MAPT: variants seen among roughly 807,000 people sequenced by gnomAD.
The protein encoded by MAPT is microtubule-associated protein tau.
A neutral mutation model predicts 67.9 loss-of-function variants in MAPT; 34 were observed. That is an observed-to-expected ratio of 0.50 (90% CI 0.38 to 0.67). The LOEUF is 0.67. Among genes scored for constraint, MAPT ranks in the 30% least tolerant of loss-of-function variants. The probability of loss-of-function intolerance (pLI) is 0.00; values close to 1 mark genes in which losing one functional copy is unlikely to be tolerated. For synonymous variants in MAPT, 456 were observed against 464.5 expected, an observed-to-expected ratio of 0.98 and a Z score of 0.23; for missense variants, 881 against 1,115.2, an observed-to-expected ratio of 0.79 and a Z score of 2.99.
chr17:45,977,522 G>C (rs990295881), intron 3 of MAPT: 6 of 152,222 alleles, frequency 3.9e-5, no homozygotes, highest in Non-Finnish European at 7.3e-5. Context: ...TGCGTGCACT[G>C]TCCTGTAACA....
chr17:45,996,367 G>T lies in MAPT; in HGVS notation c.1733-32G>T. On this transcript the variant is annotated intron_variant, in intron 8 of 12. Coordinates refer to ENST00000262410, the MANE Select transcript of MAPT (RefSeq NM_001377265.1). This position sits in a 1 kb window ranked among gnomAD's most constrained non-coding sequence, Gnocchi z 4.5. ...GCCTTTTCTGACCCCACCCACTCGA[G>T]TCCTGGCTTCACTCCCTTCCTTCCT... 1 of 1,607,306 alleles carries T rather than the reference G, an allele frequency of 6.2e-7. No individual in the cohort carries two copies.
intron 1 of MAPT, among the ~76,000 whole-genome samples, chr17:45,957,174 C>T (rs945995505): frequency 3.3e-5 from 5 of 152,148 alleles, no homozygotes; most frequent in African/African-American, 4.8e-5. Context: ...AATCGCCACA[C>T]TGTCTTCCAC....
Position 45,923,876 on chromosome 17 carries a change from T to G in MAPT, c.-18+29190T>G, listed in dbSNP as rs1053457783. Among the ~76,000 whole-genome samples, 8 of 152,210 alleles carry G rather than the reference T, an allele frequency of 5.3e-5. No individual in the cohort carries two copies. In the South Asian group the frequency reaches 1.7e-3, roughly 31 times the overall value. On this transcript the variant is annotated intron_variant, in intron 1 of 12. Coordinates refer to ENST00000262410, the MANE Select transcript of MAPT (RefSeq NM_001377265.1). ...TTGGGCAAGTCGCTCAACCTCTCCA[T>G]GCCTGAGTTTCCTCATCTGTAAGAT...
intron 1 of MAPT, among the ~76,000 whole-genome samples, chr17:45,905,623 C>T (rs1473936098): frequency 6.6e-6 from 1 of 152,090 alleles, no homozygotes; most frequent in East Asian, 1.9e-4. Flanking sequence ...GCAAGCTACT[C>T]CCTCATTTGT....
rs2064330458 is a variant in MAPT at position 45,906,662 on chromosome 17, C to T, written c.-18+11976C>T. Among the ~76,000 whole-genome samples the T allele has an allele frequency of 6.6e-6, 1 of 152,102 alleles. No individual in the cohort carries two copies. Among genetic ancestry groups the T allele is most frequent in the Admixed American group, 6.5e-5 (1 of 15,274 alleles). ...TGACAATGGCCCATCTCTTCTCCAG[C>T]GTGGCCAGGTTTGAGTGCCAGTCCT... On this transcript the variant is annotated intron_variant, in intron 1 of 12. Transcript: ENST00000262410. The surrounding 1 kb of genome is among the most constrained non-coding windows in gnomAD (Gnocchi z 4.3).
Position 45,983,628 on chromosome 17 carries a change from T to C in MAPT, c.1049T>C (p.Val350Ala), listed in dbSNP as rs1203235706. ...CTCCCTGTGGATTTCCTCTCCAAAG[T>C]TTCCACAGAGATCCCAGCCTCAGAG... The part of the protein sequence containing the change: ...IPLPVDFLSK[V>A]STEIPASEPD... Residue 350 changes from valine to alanine, a missense_variant, in exon 5 of 13, where the codon GTT (valine) becomes GCT (alanine). Val to Ala is a moderately conservative substitution (Grantham distance 64). Around this residue, in one of 6 missense-constraint regions of MAPT, gnomAD observed 687 missense variants for 766.1 expected, o/e 0.90. Coordinates refer to ENST00000262410, the MANE Select transcript of MAPT (RefSeq NM_001377265.1). The C allele has an allele frequency of 9.3e-6, 15 of 1,613,574 alleles. No individual in the cohort carries two copies. In the Admixed American group the frequency reaches 2.5e-4, roughly 27 times the overall value.
chr17:46,017,182 G>A (rs2076235338), intron 11 of MAPT, among the ~76,000 whole-genome samples: 1 of 152,236 alleles, frequency 6.6e-6, no homozygotes, highest in Admixed American at 6.5e-5. Context: ...AGCTGCTTTT[G>A]TCATCTTTCC....
chr17:45,983,243 C>T lies in MAPT; in HGVS notation c.664C>T (p.His222Tyr), dbSNP rs12938245. The T allele has an allele frequency of 1.1e-5, 18 of 1,604,138 alleles. No individual in the cohort carries two copies. The African/African-American group carries it at 1.9e-4, about 17-fold the overall frequency. Residue 222 changes from histidine (H) to tyrosine (Y), a missense_variant, in exon 5 of 13, where the codon CAC becomes TAC. His to Tyr is a moderately conservative substitution (Grantham distance 83, BLOSUM62 2). Transcript: ENST00000262410. ...LREPGPPGLS[H>Y]QLMSGMPGAP... ...AGAGCCAGGCCCCCCAGGTCTGAGCCACCAGCTCATGTCCGGCATGCCTGG... is the reference window on the plus strand; with the variant it reads ...AGAGCCAGGCCCCCCAGGTCTGAGCTACCAGCTCATGTCCGGCATGCCTGG...
At chr17:45,919,785 C>T (rs1882257135) in intron 1 of MAPT, among the ~76,000 whole-genome samples, 1 of 152,228 alleles carries the variant, frequency 6.6e-6, no homozygotes, top group African/African-American at 2.4e-5. Flanking sequence ...GGGTGGCATG[C>T]ACCTGCAGTC....
At chr17:45,940,406 T>C (rs1483988485) in intron 1 of MAPT, among the ~76,000 whole-genome samples, 1 of 152,190 alleles carries the variant, frequency 6.6e-6, no homozygotes, top group Admixed American at 6.5e-5. Context: ...CATCTGTGAG[T>C]TGGGGAATCT....
At chr17:45,965,072 G>C (rs570120143) in intron 2 of MAPT, among the ~76,000 whole-genome samples, 2 of 152,136 alleles carry the variant, frequency 1.3e-5, no homozygotes, top group East Asian at 3.9e-4. Context: ...CTCTCACCAG[G>C]TGCCTGGGAC....
rs1351647258 is a variant in MAPT at position 46,025,518 on chromosome 17, C to T, written c.*1347C>T. The T allele has an allele frequency of 6.5e-6, 1 of 152,796 alleles. No homozygotes were observed. The highest frequency in any genetic ancestry group is 6.5e-5 in the Admixed American group (1 of 15,292). The allele number at this position is 152,796 out of a possible 1,614,324, so 9.5% of individuals were successfully genotyped here. On this transcript the variant is annotated 3_prime_UTR_variant, in exon 13 of 13. Coordinates refer to ENST00000262410, the MANE Select transcript of MAPT (RefSeq NM_001377265.1). ...AGGCACAAGAGTGGGACCCCAGCCT[C>T]TCACTCTCAGTTCCACTCATCCAAC...
chr17:46,010,563 C>A lies in MAPT; in HGVS notation c.2091+161C>A, dbSNP rs2075756322. On this transcript the variant is annotated intron_variant, in intron 10 of 12. Coordinates refer to ENST00000262410, the MANE Select transcript of MAPT (RefSeq NM_001377265.1). The surrounding 1 kb of genome is among the most constrained non-coding windows in gnomAD (Gnocchi z 4.7). ...TGAATGTAGCCCGGCTCCCCACATT[C>A]CCCCACACGGTCCACTGTTCCCAGA... is the stretch of plus-strand genomic sequence containing the variant. Among the ~76,000 whole-genome samples, 1 of 152,184 alleles carries A rather than the reference C, an allele frequency of 6.6e-6. No homozygotes were observed. The highest frequency in any genetic ancestry group is 2.4e-5 in the African/African-American group (1 of 41,444).
chr17:45,985,768 C>G (rs2073477764), intron 5 of MAPT: 1 of 979,958 alleles, frequency 1.0e-6, no homozygotes, highest in Non-Finnish European at 1.2e-6. Flanking sequence ...GCCTGGGGCT[C>G]TTACTAAAGT....
intron 1 of MAPT, among the ~76,000 whole-genome samples, chr17:45,943,391 T>C (rs2064121459): frequency 6.6e-6 from 1 of 152,102 alleles, no homozygotes; most frequent in Non-Finnish European, 1.5e-5. Flanking sequence ...CGGACACTGT[T>C]TATCTTCTGT....
At chr17:46,018,076 C>T (rs1249900370) in intron 11 of MAPT, among the ~76,000 whole-genome samples, 5 of 149,198 alleles carry the variant, frequency 3.4e-5, no homozygotes, top group East Asian at 2.0e-4. Flanking sequence ...ACCCGGGAGG[C>T]GGAGCTTGCA....
At chr17:46,021,654 T>C (rs2076535974) in intron 12 of MAPT, among the ~76,000 whole-genome samples, 1 of 152,232 alleles carries the variant, frequency 6.6e-6, no homozygotes, top group East Asian at 1.9e-4. Flanking sequence ...GGAAATGCTG[T>C]ACCTACGTCC....
At chr17:45,999,277 G>A (rs2074783219) in intron 9 of MAPT, 2 of 1,612,324 alleles carry the variant, frequency 1.2e-6, no homozygotes, top group Non-Finnish European at 1.7e-6. Context: ...CCTAGTCTGG[G>A]CCATGAGTGA....
chr17:45,918,645 G>T (rs1368907826), intron 1 of MAPT, among the ~76,000 whole-genome samples: 1 of 152,216 alleles, frequency 6.6e-6, no homozygotes, highest in Non-Finnish European at 1.5e-5. Flanking sequence ...TGTAGGGCAG[G>T]TTGTAGAACC....
Sources: gnomAD v4.1 joint callset for allele counts (sites outside exome capture counted in the v4.1 genomes callset) on GRCh38, gnomAD v4.1.1 for gene constraint, gnomAD v4.1.1 regional missense constraint, Gnocchi (gnomAD v3.1) non-coding constraint, MANE v1.5 for transcripts, NCBI Gene and HGNC (gene_info 2026-07-23, HGNC 2026-07-21) for gene names.